The following XPR1 variants were observed in gnomAD, a reference collection of about 807,000 sequenced individuals.
XPR1 encodes the protein xenotropic and polytropic retrovirus receptor 1.
XPR1 carries 28 observed loss-of-function variants against 87.5 expected under a neutral mutation model. The ratio of observed to expected loss-of-function variants is 0.32; its 90% CI spans 0.24 to 0.44. The LOEUF is 0.44. Among genes scored for constraint, XPR1 ranks in the 20% least tolerant of loss-of-function variants. XPR1 has a pLI of 1.00. For missense variants in XPR1, 559 were observed against 862.3 expected (o/e 0.65, Z 4.41); for synonymous variants, 300 against 306.1 (o/e 0.98, Z 0.21).
chr1:180,880,285 G>A lies in XPR1; in HGVS notation c.2018G>A (p.Arg673His), dbSNP rs368909346. Reference sequence around the variant, plus strand: ...CAGAGCATATCCCTGCGCCGGCCTCGCCTCGCTTCTCAGTATGTATGGCTT... The same window carrying A: ...CAGAGCATATCCCTGCGCCGGCCTCACCTCGCTTCTCAGTATGTATGGCTT... ...YNQSISLRRP[R>H]LASQSKARDT... Residue 673 changes from arginine (R) to histidine (H), a missense_variant, in exon 14 of 15, where the codon CGC (arginine) becomes CAC (histidine). Physicochemically the swap from Arg to His is conservative, Grantham distance 29 (BLOSUM62 0). This residue lies in a region of XPR1 where 80 missense variants were observed against 99.5 expected (regional missense o/e 0.80). Coordinates refer to ENST00000367590, the MANE Select transcript of XPR1 (RefSeq NM_004736.4). 8.3e-5 allele frequency: 134 copies of A among 1,614,152 alleles called. No individual in the cohort carries two copies. In the East Asian group the frequency reaches 8.7e-4, roughly 10 times the overall value.
At chr1:180,826,540 C>G (rs1236278486) in intron 9 of XPR1, among the ~76,000 whole-genome samples, 1 of 151,984 alleles carries the variant, frequency 6.6e-6, no homozygotes. Flanking sequence ...CAGACTGAGA[C>G]CCTATCTCTA....
intron 10 of XPR1, 50 bp from the exon 11 acceptor site, chr1:180,836,472 A>G (rs1227675879): frequency 1.2e-6 from 2 of 1,606,996 alleles, no homozygotes; most frequent in Non-Finnish European, 1.7e-6. Flanking sequence ...AATGATGTGA[A>G]CAAGTTACTT....
chr1:180,637,449 T>C (rs980111515), intron 1 of XPR1, among the ~76,000 whole-genome samples: 1 of 152,212 alleles, frequency 6.6e-6, no homozygotes, highest in Non-Finnish European at 1.5e-5. Context: ...CTGAGGTTTC[T>C]CCTTCTAGTA....
In XPR1 at chr1:180,696,774, G is replaced by A. The variant is rs536126619; in HGVS notation, c.121+14363G>A. Among the ~76,000 whole-genome samples, 3 of 152,238 alleles carry A rather than the reference G, an allele frequency of 2.0e-5. No individual in the cohort carries two copies. The South Asian group carries it at 6.2e-4, about 32-fold the overall frequency. The stretch of plus-strand genomic sequence containing the variant: ...CATACGGTTTTTGTTTTCTGGTGAT[G>A]TGATATTTCACATTTATTGATTTGT... On this transcript the variant is annotated intron_variant, in intron 2 of 14. Transcript: ENST00000367590.
intron 2 of XPR1, among the ~76,000 whole-genome samples, chr1:180,712,543 C>T (rs1297331177): frequency 6.6e-6 from 1 of 152,186 alleles, no homozygotes; most frequent in African/African-American, 2.4e-5. Context: ...CACGGTGGCT[C>T]ATGCCTGTAA....
chr1:180,847,883 T>G (rs79394539), intron 11 of XPR1, among the ~76,000 whole-genome samples: 3,220 of 152,256 alleles, frequency 0.021, 107 homozygotes, highest in African/African-American at 0.073. Flanking sequence ...AAGTGAAACT[T>G]TGTAAAACCT....
chr1:180,737,767 G>A (rs957653682), intron 2 of XPR1, among the ~76,000 whole-genome samples: 1 of 152,098 alleles, frequency 6.6e-6, no homozygotes, highest in Admixed American at 6.6e-5. Context: ...ATTCATGCTG[G>A]TGTTGCTTTT....
chr1:180,691,131 T>G (rs1406693576), intron 2 of XPR1, among the ~76,000 whole-genome samples: 6 of 152,078 alleles, frequency 3.9e-5, no homozygotes, highest in Admixed American at 3.9e-4. Flanking sequence ...ATTTTAAAGG[T>G]TTTTTGTTTT....
At chr1:180,701,870 A>T (rs1254514780) in intron 2 of XPR1, among the ~76,000 whole-genome samples, 1 of 130,942 alleles carries the variant, frequency 7.6e-6, no homozygotes, top group Non-Finnish European at 1.6e-5. Flanking sequence ...AATTTTGTTG[A>T]TCCTTTCAAA....
At position 180,836,687 on chromosome 1, in the gene XPR1, C is replaced by T. The variant is rs929864576; in HGVS notation, c.1472C>T (p.Thr491Met). The T allele has an allele frequency of 5.0e-6, 8 of 1,613,888 alleles. No individual in the cohort carries two copies. In the African/African-American group the frequency reaches 8.0e-5, roughly 16 times the overall value. Residue 491 changes from threonine (T) to methionine (M), a missense_variant, in exon 11 of 15, where the codon ACG (threonine) becomes ATG (methionine). Around this residue, in one of 7 missense-constraint regions of XPR1, gnomAD observed 264 missense variants for 377.2 expected, o/e 0.70. Coordinates refer to ENST00000367590, the MANE Select transcript of XPR1 (RefSeq NM_004736.4). ...TACTCCACAACTTTCTTCATGGTGA[C>T]GTTTGCAGCCCTTTACAGCACTCAC... is the stretch of plus-strand genomic sequence containing the variant. ...GKYSTTFFMV[T>M]FAALYSTHKE...
chr1:180,813,694 G>C (rs192849538), intron 7 of XPR1, among the ~76,000 whole-genome samples: 102 of 152,212 alleles, frequency 6.7e-4, no homozygotes, highest in Admixed American at 1.4e-3. Flanking sequence ...AAATCTCAAA[G>C]CTTCTTATAG....
At chr1:180,789,058 G>C (rs1308907736) in intron 3 of XPR1, among the ~76,000 whole-genome samples, 1 of 152,162 alleles carries the variant, frequency 6.6e-6, no homozygotes, top group Non-Finnish European at 1.5e-5. Flanking sequence ...AAGGTAAAAA[G>C]AGTCAGTGAG....
intron 2 of XPR1, among the ~76,000 whole-genome samples, chr1:180,685,349 G>T (rs1482771791): frequency 6.6e-6 from 1 of 152,202 alleles, no homozygotes; most frequent in Non-Finnish European, 1.5e-5. Context: ...CTTGATCATG[G>T]TGGATAAGCT....
At chr1:180,695,185 G>T (rs1253361655) in intron 2 of XPR1, among the ~76,000 whole-genome samples, 1 of 152,118 alleles carries the variant, frequency 6.6e-6, no homozygotes, top group Admixed American at 6.5e-5. Flanking sequence ...TTGGCCATTT[G>T]TATGTCTTCT....
At chr1:180,766,194 G>T (rs1280110395) in intron 2 of XPR1, among the ~76,000 whole-genome samples, 2 of 152,072 alleles carry the variant, frequency 1.3e-5, no homozygotes, top group African/African-American at 4.8e-5. Flanking sequence ...ATACCCTAAT[G>T]CTATGAGACC....
intron 2 of XPR1, among the ~76,000 whole-genome samples, chr1:180,718,595 A>C (rs1488705508): frequency 6.6e-6 from 1 of 152,138 alleles, no homozygotes. Context: ...GGCAACATTA[A>C]AAAACAAAAA....
intron 1 of XPR1, among the ~76,000 whole-genome samples, chr1:180,681,066 G>GGC (rs1419811324): frequency 6.6e-6 from 1 of 152,080 alleles, no homozygotes; most frequent in Non-Finnish European, 1.5e-5. Context: ...AAGGGAAGAG[G>GGC]GCAGGTCAGA....
At chr1:180,872,600 T>G (rs1171989201) in intron 12 of XPR1, among the ~76,000 whole-genome samples, 1 of 115,304 alleles carries the variant, frequency 8.7e-6, no homozygotes, top group Non-Finnish European at 1.8e-5. Flanking sequence ...CCGTCACCCC[T>G]TTCTTTGACT....
At chr1:180,669,500 A>C (rs534978585) in intron 1 of XPR1, among the ~76,000 whole-genome samples, 9 of 152,138 alleles carry the variant, frequency 5.9e-5, no homozygotes, top group Admixed American at 5.9e-4. Context: ...CTCCTACCTC[A>C]GCCTCCTGAG....
Sources: allele counts gnomAD v4.1 joint callset (sites outside exome capture counted in the v4.1 genomes callset), GRCh38; gene constraint gnomAD v4.1.1; regional missense constraint gnomAD v4.1.1; transcripts MANE v1.5; gene names NCBI Gene and HGNC (gene_info 2026-07-23, HGNC 2026-07-21).